Variants in PSMF1 observed in about 807,000 individuals in gnomAD.
The protein encoded by PSMF1 is proteasome inhibitor PI31 subunit.
Under a neutral mutation model 29.3 loss-of-function variants are expected in PSMF1, and 30 were observed. The observed-to-expected ratio is 1.02, with a 90% CI of 0.77 to 1.39. The LOEUF (loss-of-function observed/expected upper bound fraction) is 1.39, where lower values mean the gene tolerates loss of function less well. Among genes scored for constraint, PSMF1 ranks in the 40% most tolerant of loss-of-function variants. PSMF1 has a pLI of 0.00. For synonymous variants in PSMF1, 134 were observed against 139.7 expected (o/e 0.96, Z 0.29); for missense variants, 344 against 357.5 (o/e 0.96, Z 0.31).
chr20:1,147,145 A>G (rs570519614), intron 4 of PSMF1, among the ~76,000 whole-genome samples: 93 of 106,042 alleles, frequency 8.8e-4, no homozygotes, highest in African/African-American at 3.3e-3. Flanking sequence ...TATCATCATC[A>G]TCATCATCAT....
intron 3 of PSMF1, among the ~76,000 whole-genome samples, chr20:1,133,966 C>T (rs1600149616): frequency 1.5e-5 from 2 of 132,966 alleles, no homozygotes; most frequent in East Asian, 2.0e-4. Context: ...TCTCCTGTTT[C>T]GTTCTTGTTA....
chr20:1,147,479 A>C lies in PSMF1; in HGVS notation c.551+12173A>C, dbSNP rs117769589. ...GTTCATGTAATAAGCAATGTGGTGT[A>C]CAAATTCAATGTAGTGTAGACTGAT... is the stretch of plus-strand genomic sequence containing the variant. On this transcript the variant is annotated intron_variant, in intron 4 of 6. Coordinates refer to ENST00000335877, the MANE Select transcript of PSMF1 (RefSeq NM_006814.5). Among the ~76,000 whole-genome samples, 714 of 152,334 alleles carry C rather than the reference A, an allele frequency of 4.7e-3. 3 individuals carry two copies. The highest frequency in any genetic ancestry group is 7.9e-3 in the Non-Finnish European group (538 of 68,036).
intron 1 of PSMF1, among the ~76,000 whole-genome samples, chr20:1,119,335 C>A (rs1375327432): frequency 1.3e-5 from 2 of 152,142 alleles, no homozygotes; most frequent in Non-Finnish European, 2.9e-5. Context: ...GTAGAGCCTC[C>A]ACCAAACATC....
At chr20:1,129,785 A>G (rs987971546) in intron 3 of PSMF1, among the ~76,000 whole-genome samples, 1 of 152,268 alleles carries the variant, frequency 6.6e-6, no homozygotes, top group Admixed American at 6.5e-5. Context: ...CAGTTCTTCA[A>G]AAAATTACCG....
In PSMF1 at chr20:1,158,925, G is replaced by A. The variant is rs191441457; in HGVS notation, c.552-4205G>A. Among the ~76,000 whole-genome samples, 4 of 152,208 alleles carry A rather than the reference G, an allele frequency of 2.6e-5. No individual in the cohort carries two copies. The East Asian group carries it at 5.8e-4, about 22-fold the overall frequency. The stretch of plus-strand genomic sequence containing the variant: ...AAAAAAATTAGCCAGGCGTGGTGGC[G>A]CATGCCTGTAATCCTAGCTACTTAG... On this transcript the variant is annotated intron_variant, in intron 4 of 6. Coordinates refer to ENST00000335877, the MANE Select transcript of PSMF1 (RefSeq NM_006814.5).
intron 4 of PSMF1, chr20:1,160,737 T>C (rs192825505): frequency 4.3e-4 from 195 of 457,494 alleles, no homozygotes; most frequent in African/African-American, 3.6e-3. Context: ...CCAGAAGGTC[T>C]TCTACCTGGG....
chr20:1,136,379 A>G (rs572865175), intron 4 of PSMF1, among the ~76,000 whole-genome samples: 1 of 152,344 alleles, frequency 6.6e-6, no homozygotes, highest in Admixed American at 6.5e-5. Context: ...CCACCTTTCC[A>G]TGGTGGAAAG....
At chr20:1,152,876 A>G (rs775518869) in intron 4 of PSMF1, among the ~76,000 whole-genome samples, 6 of 152,234 alleles carry the variant, frequency 3.9e-5, no homozygotes, top group Non-Finnish European at 8.8e-5. Flanking sequence ...TGGGACTGCC[A>G]TAACTAATGC....
rs2086287370 is a variant in PSMF1 at position 1,135,141 on chromosome 20, A to G, written c.386A>G (p.Glu129Gly). 1 of 1,614,124 alleles carries G rather than the reference A, an allele frequency of 6.2e-7. No homozygotes were observed. The highest frequency in any genetic ancestry group is 8.5e-7 in the Non-Finnish European group (1 of 1,180,010). Residue 129 changes from glutamate (E) to glycine (G), a missense_variant, in exon 4 of 7, where the codon GAG becomes GGG. Coordinates refer to ENST00000335877, the MANE Select transcript of PSMF1 (RefSeq NM_006814.5). ...TGCAGGACCTACAAGAACAGTGAGG[A>G]GCTTCGGTCTCGTATTGTGTCTGGA... is the stretch of plus-strand genomic sequence containing the variant. ...DFHRTYKNSEELRSRIVSGII... is the reference protein window; with the variant it reads ...DFHRTYKNSEGLRSRIVSGII...
In PSMF1 at chr20:1,118,738, C is replaced by G. The variant is rs775097088; in HGVS notation, c.-36C>G. On this transcript the variant is annotated 5_prime_UTR_variant, in exon 1 of 7. Coordinates refer to ENST00000335877, the MANE Select transcript of PSMF1 (RefSeq NM_006814.5). The stretch of plus-strand genomic sequence containing the variant: ...CCGGCTCACTGCACTACCCCCGCCC[C>G]CTTCTTTCCTCCAGACGCCGAAGTC... 1 of 1,601,568 alleles carries G rather than the reference C, an allele frequency of 6.2e-7. No individual in the cohort carries two copies. The highest frequency in any genetic ancestry group is 1.3e-5 in the African/African-American group (1 of 74,814).
In PSMF1 at chr20:1,172,142, A is replaced by G. The variant is rs2086796456; in HGVS notation, c.*7062A>G. Among the ~76,000 whole-genome samples, 1 of 152,218 alleles carries G rather than the reference A, an allele frequency of 6.6e-6. No individual in the cohort carries two copies. The highest frequency in any genetic ancestry group is 1.5e-5 in the Non-Finnish European group (1 of 68,038). ...TCCCCCACAGAGCTTCCCAATTTAC[A>G]TGTAAACCTTGGGCATCAAAGTGAC... On this transcript the variant is annotated 3_prime_UTR_variant, in exon 7 of 7. Coordinates refer to ENST00000335877, the MANE Select transcript of PSMF1 (RefSeq NM_006814.5).
chr20:1,158,877 T>C (rs1245548925), intron 4 of PSMF1, among the ~76,000 whole-genome samples: 1 of 151,844 alleles, frequency 6.6e-6, no homozygotes, highest in Non-Finnish European at 1.5e-5. Flanking sequence ...CCCCTCCCTC[T>C]GTACTATTTA....
Position 1,165,611 on chromosome 20 carries a change from A to C in PSMF1, c.*531A>C, listed in dbSNP as rs2086720249. ...GCTTCTCAGGCACCTTCCGTTTATT[A>C]ATTGCCATTGCTCCTGACATCACTA... On this transcript the variant is annotated 3_prime_UTR_variant, in exon 7 of 7. Coordinates refer to ENST00000335877, the MANE Select transcript of PSMF1 (RefSeq NM_006814.5). 2.0e-6 allele frequency: 2 copies of C among 994,586 alleles called. No homozygotes were observed. The highest frequency in any genetic ancestry group is 3.5e-5 in the African/African-American group (2 of 57,360). The allele number at this position is 994,586 out of a possible 1,614,324, so 61.6% of individuals were successfully genotyped here.
Position 1,165,646 on chromosome 20 carries a change from C to A in PSMF1, c.*566C>A, listed in dbSNP as rs1266624237. On this transcript the variant is annotated 3_prime_UTR_variant, in exon 7 of 7. Transcript: ENST00000335877. The stretch of plus-strand genomic sequence containing the variant: ...GCTCCTGACATCACTAAGATGGGTC[C>A]CCTTCTGGCTGCATGAATGGAAATG... 2 of 996,304 alleles carry A rather than the reference C, an allele frequency of 2.0e-6. No individual in the cohort carries two copies. The highest frequency in any genetic ancestry group is 2.4e-6 in the Non-Finnish European group (2 of 836,018). 61.7% of individuals were successfully genotyped at this position (996,304 alleles called of 1,614,324 possible). A position where few individuals can be genotyped will look rare whatever the true frequency, so the allele number is the denominator to read the frequency against.
rs2086039886 is a variant in PSMF1, at chr20:1,118,695, G to C, written c.-79G>C. The C allele has an allele frequency of 2.7e-5, 40 of 1,484,962 alleles. No individual in the cohort carries two copies. Among genetic ancestry groups the C allele is most frequent in the Non-Finnish European group, 3.7e-5 (40 of 1,094,780 alleles). The allele number at this position is 1,484,962 out of a possible 1,614,324, so 92.0% of individuals were successfully genotyped here. On this transcript the variant is annotated 5_prime_UTR_variant, in exon 1 of 7. Transcript: ENST00000335877. ...AGCGCAAGAGGGAAGCAGAGTTATA[G>C]CTACCCCGGCCGCGGAGCCGGCTCA...
upstream of PSMF1, among the ~76,000 whole-genome samples, chr20:1,117,328 C>G (rs1485345115): frequency 2.7e-5 from 4 of 150,400 alleles, no homozygotes; most frequent in Non-Finnish European, 4.4e-5. Context: ...TGTGATCTGA[C>G]TTTTCTTTTT....
intron 4 of PSMF1, among the ~76,000 whole-genome samples, chr20:1,143,917 C>G (rs1989400): frequency 0.56 from 84,869 of 151,800 alleles, 23,935 homozygotes; most frequent in Admixed American, 0.6. Context: ...ATGGTGAAAC[C>G]GTGTCTCTTC....
rs767983021 is a variant in PSMF1, at chr20:1,124,911, G to T, written c.130-587G>T. On this transcript the variant is annotated intron_variant, in intron 1 of 6. Transcript: ENST00000335877. The stretch of plus-strand genomic sequence containing the variant: ...GTGGTGATTACCCTTGAAGGGGAAG[G>T]AGGGACATTTATTGGAGTATGCTAC... Among the ~76,000 whole-genome samples the T allele has an allele frequency of 1.5e-4, 23 of 152,366 alleles. No individual in the cohort carries two copies. In the Middle Eastern group the frequency reaches 0.01, roughly 68 times the overall value.
intron 1 of PSMF1, among the ~76,000 whole-genome samples, chr20:1,120,290 C>G (rs140878982): frequency 1.3e-3 from 192 of 152,284 alleles, no homozygotes; most frequent in African/African-American, 4.3e-3. Flanking sequence ...ACACATACTT[C>G]ATCTCTCAAA....
Sources: gnomAD v4.1 joint callset for allele counts (sites outside exome capture counted in the v4.1 genomes callset) on GRCh38, gnomAD v4.1.1 for gene constraint, MANE v1.5 for transcripts, NCBI Gene and HGNC (gene_info 2026-07-23, HGNC 2026-07-21) for gene names.